Variants in GRIA3 observed in about 807,000 individuals in gnomAD.
GRIA3 encodes the protein glutamate receptor 3.
In GRIA3, 3 loss-of-function variants were observed where a neutral mutation model predicts 63.0. The observed-to-expected ratio is 0.05, with a 90% CI of 0.02 to 0.12. The LOEUF (loss-of-function observed/expected upper bound fraction) is 0.12, where lower values mean the gene tolerates loss of function less well. Ranked by LOEUF, GRIA3 falls within the 10% of genes least tolerant of loss-of-function variation. The pLI, the probability that GRIA3 is intolerant of heterozygous loss-of-function variation, is 1.00. For missense variants in GRIA3, 347 were observed against 700.9 expected (o/e 0.50, Z 5.70); for synonymous variants, 274 against 257.9 (o/e 1.06, Z -0.60).
intron 2 of GRIA3, among the ~76,000 whole-genome samples, chrX:123,244,036 A>C (rs781406885): frequency 8.9e-6 from 1 of 112,917 alleles, no homozygotes; most frequent in South Asian, 3.6e-4. Flanking sequence ...ATTTGCTAGC[A>C]GTTACATTCA....
intron 3 of GRIA3, among the ~76,000 whole-genome samples, chrX:123,286,324 C>T (rs755476182): frequency 1.8e-5 from 2 of 111,783 alleles, no homozygotes; most frequent in East Asian, 5.6e-4. Context: ...ATGGAAAGAT[C>T]TAAATTCGAC....
intron 14 of GRIA3, 123 bp downstream of exon 14, chrX:123,480,300 A>C: frequency 2.0e-6 from 1 of 511,234 alleles, no homozygotes; most frequent in Non-Finnish European, 3.6e-6. Flanking sequence ...ACCCCTTTAT[A>C]ACAACAGTGC....
At chrX:123,321,815 G>T (rs1339231550) in intron 3 of GRIA3, among the ~76,000 whole-genome samples, 1 of 111,904 alleles carries the variant, frequency 8.9e-6, no homozygotes, top group African/African-American at 3.2e-5. Flanking sequence ...GTCAGCAATT[G>T]TGGGAAGAAG....
At chrX:123,250,526 T>C (rs1020954119) in intron 2 of GRIA3, among the ~76,000 whole-genome samples, 17 of 111,832 alleles carry the variant, frequency 1.5e-4, no homozygotes, top group Non-Finnish European at 2.8e-4. Context: ...TCTAGTCAGG[T>C]TGGAGTTCTC....
At chrX:123,349,529 A>C (rs753785680) in intron 4 of GRIA3, among the ~76,000 whole-genome samples, 1 of 112,839 alleles carries the variant, frequency 8.9e-6, no homozygotes, top group Non-Finnish European at 1.9e-5. Context: ...TTCTCTCTGC[A>C]TAAGCTTCCC....
chrX:123,207,905 C>T (rs2147258574), intron 2 of GRIA3, among the ~76,000 whole-genome samples: 1 of 112,029 alleles, frequency 8.9e-6, no homozygotes, highest in African/African-American at 3.2e-5. Context: ...CCTCCTGGAA[C>T]ACAACAGGTC....
chrX:123,310,285 C>T (rs1462164885), intron 3 of GRIA3, among the ~76,000 whole-genome samples: 1 of 112,948 alleles, frequency 8.9e-6, no homozygotes, highest in Non-Finnish European at 1.9e-5. Context: ...CTGAAGCACT[C>T]CTAAATTCAG....
chrX:123,488,540 A>G (rs865995141), intron 15 of GRIA3, among the ~76,000 whole-genome samples, 173 bp from the exon 16 acceptor site: 2 of 112,440 alleles, frequency 1.8e-5, no homozygotes, highest in South Asian at 3.7e-4. Flanking sequence ...CATATAGTAG[A>G]GAATGTAACC....
At chrX:123,280,750 C>A (rs1340113145) in intron 3 of GRIA3, among the ~76,000 whole-genome samples, 1 of 112,081 alleles carries the variant, frequency 8.9e-6, no homozygotes, top group Non-Finnish European at 1.9e-5. Flanking sequence ...CTGGACATAG[C>A]TTTGGTGAAA....
intron 2 of GRIA3, among the ~76,000 whole-genome samples, chrX:123,245,468 A>G (rs752852421): frequency 9.0e-6 from 1 of 111,689 alleles, no homozygotes; most frequent in Admixed American, 9.5e-5. Flanking sequence ...TTGAATTTTA[A>G]AAAACCATAT....
chrX:123,413,421 T>C (rs190767479), intron 10 of GRIA3, among the ~76,000 whole-genome samples: 3 of 106,646 alleles, frequency 2.8e-5, no homozygotes, highest in Admixed American at 2.0e-4. Context: ...AGAGGGGTAT[T>C]TGCATGCTCT....
intron 2 of GRIA3, among the ~76,000 whole-genome samples, chrX:123,246,988 C>T (rs1418355943): frequency 9.0e-6 from 1 of 111,025 alleles, no homozygotes; most frequent in African/African-American, 3.3e-5. Context: ...ATTACTAATA[C>T]CACAGCTTTA....
intron 3 of GRIA3, among the ~76,000 whole-genome samples, chrX:123,265,689 C>T (rs1424555142): frequency 2.7e-5 from 3 of 111,759 alleles, no homozygotes; most frequent in Non-Finnish European, 5.7e-5. Context: ...GAAACTAGAA[C>T]TTATTTTCAA....
intron 3 of GRIA3, among the ~76,000 whole-genome samples, chrX:123,287,359 C>A (rs7877262): frequency 0.054 from 6,074 of 111,545 alleles, 230 homozygotes; most frequent in African/African-American, 0.13. Flanking sequence ...AGACACAAGA[C>A]AAGGATGCCA....
chrX:123,470,396 C>T (rs2045855531), intron 13 of GRIA3, among the ~76,000 whole-genome samples: 1 of 111,886 alleles, frequency 8.9e-6, no homozygotes, highest in African/African-American at 3.2e-5. Flanking sequence ...TTGTTTAAAT[C>T]GTTTCAAAAA....
chrX:123,414,331 TG>T (rs996352412), intron 10 of GRIA3, among the ~76,000 whole-genome samples: 9 of 112,577 alleles, frequency 8.0e-5, no homozygotes, highest in African/African-American at 2.6e-4. Context: ...TACAACAAAC[TG>T]GAAGGCCACA....
chrX:123,190,603 G>A (rs1023220214), intron 2 of GRIA3, among the ~76,000 whole-genome samples: 2 of 111,231 alleles, frequency 1.8e-5, no homozygotes, highest in Non-Finnish European at 1.9e-5. Flanking sequence ...GGGGACAGCA[G>A]CAAGAAGGGT....
At chrX:123,398,446 T>C (rs1442288839) in intron 6 of GRIA3, among the ~76,000 whole-genome samples, 190 bp from the exon 7 acceptor site, 1 of 111,841 alleles carries the variant, frequency 8.9e-6, no homozygotes, top group Non-Finnish European at 1.9e-5. Flanking sequence ...TTGTAACACA[T>C]GCACACATGA....
rs1038394854 is a variant in GRIA3, at chrX:123,464,760, T to G, written c.2077-105T>G. On this transcript the variant is annotated intron_variant, in intron 12 of 15. Coordinates refer to ENST00000620443, the MANE Select transcript of GRIA3 (RefSeq NM_007325.5). ...GCCTACTAGGTTGCAGTGTAACGTGTTTTTTATTACTGTGGATTGCAATTA... is the reference window on the plus strand; with the variant it reads ...GCCTACTAGGTTGCAGTGTAACGTGGTTTTTATTACTGTGGATTGCAATTA... The G allele has an allele frequency of 1.3e-4, 96 of 732,389 alleles. No homozygotes were observed. The Middle Eastern group carries it at 2.3e-3, about 18-fold the overall frequency. The allele number at this position is 732,389 out of a possible 1,213,427, so 60.4% of individuals were successfully genotyped here.
Sources: allele counts gnomAD v4.1 joint callset (sites outside exome capture counted in the v4.1 genomes callset), GRCh38; gene constraint gnomAD v4.1.1; transcripts MANE v1.5; gene names NCBI Gene and HGNC (gene_info 2026-07-23, HGNC 2026-07-21).